Variants in INTS3 observed in about 807,000 individuals in gnomAD.
INTS3 encodes SOSS complex subunit A.
Under a neutral mutation model 146.3 loss-of-function variants are expected in INTS3, and 34 were observed. The ratio of observed to expected loss-of-function variants is 0.23; its 90% CI spans 0.18 to 0.31. INTS3 has a LOEUF of 0.31. Among genes scored for constraint, INTS3 ranks in the 10% least tolerant of loss-of-function variants. The pLI is 1.00. For missense variants in INTS3, 757 were observed against 1,304.2 expected, an observed-to-expected ratio of 0.58 and a Z score of 6.46; for synonymous variants, 475 against 494.9, an observed-to-expected ratio of 0.96 and a Z score of 0.53.
intron 1 of INTS3, 128 bp downstream of exon 1, chr1:153,728,912 A>G (rs548416111): frequency 6.7e-5 from 41 of 608,514 alleles, no homozygotes; most frequent in Non-Finnish European, 1.1e-4. Context: ...GAAGTAACAC[A>G]AACACTGCTC....
chr1:153,754,758 G>C lies in INTS3; in HGVS notation c.957+19G>C. The C allele has an allele frequency of 6.6e-7, 1 of 1,516,468 alleles. No homozygotes were observed. 93.9% of individuals were successfully genotyped at this position (1,516,468 alleles called of 1,614,324 possible). A position where few individuals can be genotyped will look rare whatever the true frequency, so the allele number is the denominator to read the frequency against. ...ATCCCGGGTAAGCTAAGGTGTTGCA[G>C]CAAGAGAAGAGGTCACACGCTGGCT... On this transcript the variant is annotated intron_variant, in intron 9 of 29. Transcript: ENST00000318967.
At position 153,746,969 on chromosome 1, in the gene INTS3, T is replaced by G; in HGVS notation, c.331T>G (p.Leu111Val). The change falls in exon 4 of 30, where the codon TTA becomes GTA. Residue 111 changes from leucine to valine, a missense_variant. By Grantham distance (32) the Leu-to-Val change is conservative. Coordinates refer to ENST00000318967, the MANE Select transcript of INTS3 (RefSeq NM_023015.5). ...TTACTTCTCACAGTGTTACCGGGAC[T>G]TAGCTCTGGTGAGTCGTGATGGCAT... The part of the protein sequence containing the change: ...PAQAQKCYRD[L>V]ALVSRDGMNI... 1 of 1,612,870 alleles carries G rather than the reference T, an allele frequency of 6.2e-7. No individual in the cohort carries two copies. The highest frequency in any genetic ancestry group is 1.1e-5 in the South Asian group (1 of 91,022).
At chr1:153,744,292 T>C (rs561484063) in intron 3 of INTS3, among the ~76,000 whole-genome samples, 6 of 152,228 alleles carry the variant, frequency 3.9e-5, no homozygotes, top group Non-Finnish European at 1.5e-5. Flanking sequence ...CCTGCTTCCC[T>C]GTCCTGAGTC....
At chr1:153,732,636 C>A (rs1367058065) in intron 1 of INTS3, among the ~76,000 whole-genome samples, 1 of 151,316 alleles carries the variant, frequency 6.6e-6, no homozygotes, top group African/African-American at 2.4e-5. Context: ...TTAGTAGAGA[C>A]GGGGTTTCAC....
chr1:153,739,405 C>G (rs1557990239), intron 1 of INTS3, among the ~76,000 whole-genome samples: 2 of 148,452 alleles, frequency 1.3e-5, no homozygotes, highest in African/African-American at 2.5e-5. Flanking sequence ...TGCAATGATG[C>G]AATCTCGGCT....
chr1:153,752,170 T>C lies in INTS3; in HGVS notation c.730-109T>C, dbSNP rs187184197. On this transcript the variant is annotated intron_variant, in intron 7 of 29. Coordinates refer to ENST00000318967, the MANE Select transcript of INTS3 (RefSeq NM_023015.5). ...GAAGAAATCATAGTTTCTTCAACCC[T>C]CTTTCCTTCCCTCCCTAGAACATGT... is the stretch of plus-strand genomic sequence containing the variant. 7 of 1,113,270 alleles carry C rather than the reference T, an allele frequency of 6.3e-6. No homozygotes were observed. In the Admixed American group the frequency reaches 1.3e-4, roughly 21 times the overall value. 69.0% of individuals were successfully genotyped at this position (1,113,270 alleles called of 1,614,324 possible).
At chr1:153,744,166 T>G (rs1484854907) in intron 3 of INTS3, among the ~76,000 whole-genome samples, 5 of 152,012 alleles carry the variant, frequency 3.3e-5, no homozygotes, top group African/African-American at 1.2e-4. Context: ...TATGAAACTC[T>G]CGGTTCTCAT....
At chr1:153,734,721 A>AC (rs1264243726) in intron 1 of INTS3, among the ~76,000 whole-genome samples, 1 of 152,174 alleles carries the variant, frequency 6.6e-6, no homozygotes, top group Non-Finnish European at 1.5e-5. Flanking sequence ...GGTAGAGGGT[A>AC]CATCATTCAG....
chr1:153,757,606 G>C lies in INTS3; in HGVS notation c.992G>C (p.Trp331Ser), dbSNP rs1335426241. The C allele has an allele frequency of 6.2e-7, 1 of 1,614,048 alleles. No individual in the cohort carries two copies. The highest frequency in any genetic ancestry group is 1.7e-5 in the Admixed American group (1 of 60,016). The change falls in exon 10 of 30, where the codon TGG (tryptophan) becomes TCG (serine). Residue 331 changes from tryptophan (W) to serine (S), a missense_variant. Around this residue, in one of 8 missense-constraint regions of INTS3, gnomAD observed 134 missense variants for 243.1 expected, o/e 0.55. Transcript: ENST00000318967. The surrounding 1 kb of genome is among the most constrained non-coding windows in gnomAD (Gnocchi z 4.0). ...GGTCAACAAAAGCGATACCAAGATT[G>C]GTTCCAGCGCCAGTACCTGTCAACT... ...RFGQQKRYQD[W>S]FQRQYLSTPD... is the part of the protein sequence containing the mutation.
Position 153,733,766 on chromosome 1 carries a change from G to A in INTS3, c.150+4982G>A, listed in dbSNP as rs796694372. ...ACTACAAGTGTGCGCCACCACACCCGGCTGATTCTTGTATTTTTAGTAGAG... is the reference window on the plus strand; with the variant it reads ...ACTACAAGTGTGCGCCACCACACCCAGCTGATTCTTGTATTTTTAGTAGAG... On this transcript the variant is annotated intron_variant, in intron 1 of 29. Transcript: ENST00000318967. Among the ~76,000 whole-genome samples the A allele has an allele frequency of 1.9e-4, 28 of 148,690 alleles. No homozygotes were observed. In the South Asian group the frequency reaches 5.8e-3, roughly 31 times the overall value.
chr1:153,757,805 A>G lies in INTS3; in HGVS notation c.1149+42A>G, dbSNP rs762756720. The G allele has an allele frequency of 2.6e-6, 4 of 1,548,486 alleles. No homozygotes were observed. Among genetic ancestry groups the G allele is most frequent in the African/African-American group, 1.4e-5 (1 of 73,586 alleles). ...CTGGGTGGTGAAGGGTGCCTCTTCCATGGTGTTCCCATGTTTCCATTCTTC... is the reference window on the plus strand; with the variant it reads ...CTGGGTGGTGAAGGGTGCCTCTTCCGTGGTGTTCCCATGTTTCCATTCTTC... On this transcript the variant is annotated intron_variant, in intron 10 of 29. Coordinates refer to ENST00000318967, the MANE Select transcript of INTS3 (RefSeq NM_023015.5). This position sits in a 1 kb window ranked among gnomAD's most constrained non-coding sequence, Gnocchi z 4.0.
intron 1 of INTS3, among the ~76,000 whole-genome samples, chr1:153,738,576 A>G (rs1449064845): frequency 6.6e-6 from 1 of 152,166 alleles, no homozygotes; most frequent in Non-Finnish European, 1.5e-5. Flanking sequence ...TTATTTAGTG[A>G]TATTAACTTT....
At position 153,768,965 on chromosome 1, in the gene INTS3, A is replaced by G. The variant is rs1216636332; in HGVS notation, c.2313+4A>G. 1.9e-6 allele frequency: 3 copies of G among 1,612,018 alleles called. No individual in the cohort carries two copies. In the African/African-American group the frequency reaches 4.0e-5, roughly 22 times the overall value. On this transcript the variant is annotated splice_donor_region_variant and intron_variant, in intron 22 of 29. Coordinates refer to ENST00000318967, the MANE Select transcript of INTS3 (RefSeq NM_023015.5). ...GGCTGTTATTGACTCTGCACAGGTG[A>G]ACATTGAGCTCTGACCTCCCCAGAA...
At chr1:153,766,772 C>G (rs745586316) in intron 20 of INTS3, 1 of 151,016 alleles carries the variant, frequency 6.6e-6, no homozygotes, top group Non-Finnish European at 1.5e-5. Flanking sequence ...TCACTGCAAC[C>G]TCCGCATGCT....
chr1:153,757,830 C>A lies in INTS3; in HGVS notation c.1149+67C>A. On this transcript the variant is annotated intron_variant, in intron 10 of 29. Coordinates refer to ENST00000318967, the MANE Select transcript of INTS3 (RefSeq NM_023015.5). The surrounding 1 kb of genome is among the most constrained non-coding windows in gnomAD (Gnocchi z 4.0). ...ATGGTGTTCCCATGTTTCCATTCTT[C>A]TTCCTGACTCCAGGGCCACTTGACC... 3 of 1,409,140 alleles carry A rather than the reference C, an allele frequency of 2.1e-6. No homozygotes were observed. Among genetic ancestry groups the A allele is most frequent in the South Asian group, 2.4e-5 (2 of 83,356 alleles). 87.3% of individuals were successfully genotyped at this position (1,409,140 alleles called of 1,614,324 possible).
rs1570893425 is a variant in INTS3, at chr1:153,774,806, G to C, written c.*1536G>C. ...GTCCCAATTAAAACCAGGATGGAGA[G>C]CATTTGCTGGCTGGCCCCAATTATT... On this transcript the variant is annotated 3_prime_UTR_variant, in exon 30 of 30. Coordinates refer to ENST00000318967, the MANE Select transcript of INTS3 (RefSeq NM_023015.5). 2.8e-6 allele frequency: 1 copy of C among 360,986 alleles called. No individual in the cohort carries two copies. The highest frequency in any genetic ancestry group is 5.6e-5 in the East Asian group (1 of 17,756). 22.4% of individuals were successfully genotyped at this position (360,986 alleles called of 1,614,324 possible).
chr1:153,761,658 C>T lies in INTS3; in HGVS notation c.1498C>T (p.Pro500Ser). ...GAAGTTTCCTGAGTTCTGCAGCTCACCCTCCCCACCTGTGGAAGGTATGAG... is the reference window on the plus strand; with the variant it reads ...GAAGTTTCCTGAGTTCTGCAGCTCATCCTCCCCACCTGTGGAAGGTATGAG... ...REKFPEFCSSPSPPVEVKIEE... is the reference protein window; with the variant it reads ...REKFPEFCSSSSPPVEVKIEE... The change falls in exon 14 of 30, where the codon CCC becomes TCC. Residue 500 changes from proline (P) to serine (S), a missense_variant. Pro to Ser is a moderately conservative substitution (Grantham distance 74). Transcript: ENST00000318967. 6.2e-7 allele frequency: 1 copy of T among 1,613,412 alleles called. No homozygotes were observed. Among genetic ancestry groups the T allele is most frequent in the Non-Finnish European group, 8.5e-7 (1 of 1,179,304 alleles).
At chr1:153,759,356 G>A (rs567759309) in intron 10 of INTS3, among the ~76,000 whole-genome samples, 170 bp from the exon 11 acceptor site, 1 of 152,114 alleles carries the variant, frequency 6.6e-6, no homozygotes, top group Admixed American at 6.5e-5. Context: ...AGACCACAGA[G>A]TATTCACTCA....
At chr1:153,739,594 A>C (rs890482235) in intron 1 of INTS3, among the ~76,000 whole-genome samples, 1 of 151,980 alleles carries the variant, frequency 6.6e-6, no homozygotes, top group Admixed American at 6.6e-5. Flanking sequence ...TCGGCCTCCC[A>C]AAGTGCTGGG....
Sources: allele counts gnomAD v4.1 joint callset (sites outside exome capture counted in the v4.1 genomes callset), GRCh38; gene constraint gnomAD v4.1.1; regional missense constraint gnomAD v4.1.1; non-coding constraint Gnocchi (gnomAD v3.1); transcripts MANE v1.5; gene names NCBI Gene and HGNC (gene_info 2026-07-23, HGNC 2026-07-21).